The following FIBP variants were observed in gnomAD, a reference collection of about 807,000 sequenced individuals.
FIBP encodes acidic fibroblast growth factor intracellular-binding protein.
Under a neutral mutation model 40.5 loss-of-function variants are expected in FIBP, and 29 were observed. The ratio of observed to expected loss-of-function variants is 0.72; its 90% CI spans 0.53 to 0.98. FIBP has a LOEUF of 0.98. Among genes scored for constraint, FIBP ranks in the 50% least tolerant of loss-of-function variants. The pLI, the probability that FIBP is intolerant of heterozygous loss-of-function variation, is 0.00. For synonymous variants in FIBP, 215 were observed against 191.1 expected, an observed-to-expected ratio of 1.13 and a Z score of -1.03; for missense variants, 411 against 470.2, an observed-to-expected ratio of 0.87 and a Z score of 1.16.
Position 65,888,407 on chromosome 11 carries a change from C to A in FIBP, c.12G>T (p.Glu4Asp), listed in dbSNP as rs866636752. The stretch of plus-strand genomic sequence containing the variant: ...TCGTGTTCCCCACGAAGATGTCCAG[C>A]TCACTGGTCATGGCGACGCCCGGGG... MTS[E>D]LDIFVGNTTL... The change falls in exon 1 of 10, where the codon GAG becomes GAT. Residue 4 changes from glutamate (E) to aspartate (D), a missense_variant. By Grantham distance (45) the Glu-to-Asp change is conservative. Coordinates refer to ENST00000357519, the MANE Select transcript of FIBP (RefSeq NM_004214.5). The A allele has an allele frequency of 6.4e-7, 1 of 1,566,598 alleles. No homozygotes were observed. Among genetic ancestry groups the A allele is most frequent in the Non-Finnish European group, 8.7e-7 (1 of 1,155,270 alleles).
Position 65,883,900 on chromosome 11 carries a change from TC to T in FIBP, c.*73del. The T allele has an allele frequency of 7.4e-7, 1 of 1,358,116 alleles. No homozygotes were observed. Among genetic ancestry groups the T allele is most frequent in the Non-Finnish European group, 1.0e-6 (1 of 963,338 alleles). The allele number at this position is 1,358,116 out of a possible 1,614,324, so 84.1% of individuals were successfully genotyped here. ...GCACATCTGCACGCCCCCCACTTGC[TC>T]CCCGGAGCGAGGACCAGTCTCCAAA... On this transcript the variant is annotated 3_prime_UTR_variant, in exon 10 of 10. Coordinates refer to ENST00000357519, the MANE Select transcript of FIBP (RefSeq NM_004214.5).
Position 65,884,781 on chromosome 11 carries a change from C to T in FIBP, c.820-125G>A, listed in dbSNP as rs1860187029. 18 of 1,311,170 alleles carry T rather than the reference C, an allele frequency of 1.4e-5. No individual in the cohort carries two copies. In the East Asian group the frequency reaches 4.0e-4, roughly 29 times the overall value. The allele number at this position is 1,311,170 out of a possible 1,614,324, so 81.2% of individuals were successfully genotyped here. A position where few individuals can be genotyped will look rare whatever the true frequency, so the allele number is the denominator to read the frequency against. On this transcript the variant is annotated intron_variant, in intron 7 of 9. Transcript: ENST00000357519. ...TCCACCTCCCTCCATCAACCAAGTC[C>T]CCATTGTTTATGAGCTGCTCCCGTC...
Position 65,888,373 on chromosome 11 carries a change from C to A in FIBP, c.46G>T (p.Asp16Tyr). 6.4e-7 allele frequency: 1 copy of A among 1,564,132 alleles called. No individual in the cohort carries two copies. Among genetic ancestry groups the A allele is most frequent in the Non-Finnish European group, 8.7e-7 (1 of 1,153,778 alleles). Residue 16 changes from aspartate (D) to tyrosine (Y), a missense_variant, in exon 1 of 10, where the codon GAC (aspartate) becomes TAC (tyrosine). Physicochemically the swap from Asp to Tyr is radical, Grantham distance 160. Transcript: ENST00000357519. The part of the protein sequence containing the change: ...DIFVGNTTLI[D>Y]EDVYRLWLDG... Reference sequence around the variant, plus strand: ...AGCCAGAGGCGATACACGTCCTCGTCGATAAGGGTCGTGTTCCCCACGAAG... The same window carrying A: ...AGCCAGAGGCGATACACGTCCTCGTAGATAAGGGTCGTGTTCCCCACGAAG...
At chr11:65,885,746 T>C (rs1860218826) in intron 4 of FIBP, 83 bp from the exon 5 acceptor site, 2 of 1,394,614 alleles carry the variant, frequency 1.4e-6, no homozygotes, top group African/African-American at 2.9e-5. Context: ...CAGCTGGGTG[T>C]CCGAGTTCTG....
intron 5 of FIBP, 156 bp from the exon 6 acceptor site, chr11:65,885,342 C>T: frequency 6.7e-6 from 6 of 902,110 alleles, no homozygotes; most frequent in Non-Finnish European, 1.1e-5. Flanking sequence ...CACAGAGAGG[C>T]AATGGGCCCT....
At position 65,884,442 on chromosome 11, in the gene FIBP, C is replaced by A; in HGVS notation, c.954G>T (p.Arg318=). 1 of 1,614,166 alleles carries A rather than the reference C, an allele frequency of 6.2e-7. No homozygotes were observed. Among genetic ancestry groups the A allele is most frequent in the Non-Finnish European group, 8.5e-7 (1 of 1,180,022 alleles). The part of the protein sequence containing the change: ...RSDHWPLSDV[R]FFLNQYSASV... ...ACGCTGAATACTGATTCAGGAAGAA[C>A]CGCACGTCGCTGAGTGGCCAGTGGT... Residue 318 remains arginine (R), a synonymous_variant, in exon 9 of 10, where the codon CGG becomes CGT. Transcript: ENST00000357519.
At chr11:65,886,161 C>T (rs3867128) in intron 4 of FIBP, 161 bp downstream of exon 4, 75,040 of 522,594 alleles carry the variant, frequency 0.14, 7,273 homozygotes, top group Admixed American at 0.32. Context: ...AGTGAAACTC[C>T]GTCTCATTAA....
rs145313106 is a variant in FIBP at position 65,887,969 on chromosome 11, C to G, written c.249G>C (p.Gln83His). 2 of 1,613,792 alleles carry G rather than the reference C, an allele frequency of 1.2e-6. No individual in the cohort carries two copies. The highest frequency in any genetic ancestry group is 1.7e-6 in the Non-Finnish European group (2 of 1,179,956). The change falls in exon 2 of 10, where the codon CAG (glutamine) becomes CAC (histidine). Residue 83 changes from glutamine to histidine, a missense_variant. Coordinates refer to ENST00000357519, the MANE Select transcript of FIBP (RefSeq NM_004214.5). ...GTAGTGCCTGCCGGGAGGGCGGAATCTGGAAGATGAGCTGGTGCAGTAGCT... is the reference window on the plus strand; with the variant it reads ...GTAGTGCCTGCCGGGAGGGCGGAATGTGGAAGATGAGCTGGTGCAGTAGCT... The part of the protein sequence containing the change: ...PPKLLHQLIF[Q>H]IPPSRQALLI...
In FIBP at chr11:65,888,004, C is replaced by T; in HGVS notation, c.214G>A (p.Ala72Thr). The T allele has an allele frequency of 1.9e-6, 3 of 1,613,258 alleles. No individual in the cohort carries two copies. The highest frequency in any genetic ancestry group is 2.5e-6 in the Non-Finnish European group (3 of 1,179,832). The change falls in exon 2 of 10, where the codon GCG (alanine) becomes ACG (threonine). Residue 72 changes from alanine to threonine, a missense_variant. Transcript: ENST00000357519. ...TFHMLERLLH[A>T]PPKLLHQLIF... ...AGCTGGTGCAGTAGCTTGGGCGGCG[C>T]ATGCAGCAGCCGCTCGAGCATGTGG... is the stretch of plus-strand genomic sequence containing the variant.
rs1261365611 is a variant in FIBP, at chr11:65,884,624, G to C, written c.852C>G (p.Ala284=). Residue 284 remains alanine (A), a synonymous_variant, in exon 8 of 10, where the codon GCC becomes GCG. Transcript: ENST00000357519. ...TGACATCTTTATTGTGGGTCAGCTTGGCGGCCACGTTCACCAGCCCCCGGG... is the reference window on the plus strand; with the variant it reads ...TGACATCTTTATTGTGGGTCAGCTTCGCGGCCACGTTCACCAGCCCCCGGG... ...NLSRGLVNVA[A]KLTHNKDVRD... 3.1e-5 allele frequency: 50 copies of C among 1,614,044 alleles called. No homozygotes were observed. Among genetic ancestry groups the C allele is most frequent in the Non-Finnish European group, 4.1e-5 (48 of 1,180,032 alleles).
At chr11:65,884,908 G>A (rs1306534654) in intron 7 of FIBP, 27 bp downstream of exon 7, 3 of 1,613,264 alleles carry the variant, frequency 1.9e-6, no homozygotes, top group Non-Finnish European at 2.5e-6. Context: ...AGATGCCAAG[G>A]GTCAGAGGCT....
At chr11:65,884,091 T>C (rs1390797909) in intron 9 of FIBP, 48 bp from the exon 10 acceptor site, 30 of 1,455,400 alleles carry the variant, frequency 2.1e-5, no homozygotes, top group Non-Finnish European at 2.9e-5. Context: ...ACACTCACCG[T>C]GATGGAGGCC....
chr11:65,888,439 C>A lies in FIBP; in HGVS notation c.-21G>T. 6.5e-7 allele frequency: 1 copy of A among 1,548,896 alleles called. No individual in the cohort carries two copies. The highest frequency in any genetic ancestry group is 8.7e-7 in the Non-Finnish European group (1 of 1,144,250). ...GTCATGGCGACGCCCGGGGCCGCAG[C>A]GCCCCGAGCAGGAGCGAGCACTGCT... is the stretch of plus-strand genomic sequence containing the variant. On this transcript the variant is annotated 5_prime_UTR_variant, in exon 1 of 10. Transcript: ENST00000357519.
chr11:65,887,075 A>G (rs1860255591), intron 3 of FIBP: 1 of 226,950 alleles, frequency 4.4e-6, no homozygotes. Context: ...GAGCCAATGA[A>G]AGTTTATCAG....
chr11:65,885,868 G>A, intron 4 of FIBP: 1 of 569,428 alleles, frequency 1.8e-6, no homozygotes, highest in Non-Finnish European at 3.1e-6. Context: ...TGGATACAGT[G>A]GGAGACCATA....
At chr11:65,887,830 C>T in intron 2 of FIBP, 104 bp from the exon 3 acceptor site, 1 of 1,593,850 alleles carries the variant, frequency 6.3e-7, no homozygotes, top group Admixed American at 1.7e-5. Context: ...TCTCAACTTT[C>T]TGATGGCTGG....
intron 5 of FIBP, 129 bp downstream of exon 5, chr11:65,885,401 G>A: frequency 8.6e-7 from 1 of 1,163,906 alleles, no homozygotes; most frequent in Non-Finnish European, 1.2e-6. Flanking sequence ...TGGGCAGGGG[G>A]AGCCTGGGTG....
rs1860195778 is a variant in FIBP at position 65,884,986 on chromosome 11, A to C, written c.768T>G (p.Thr256=). The C allele has an allele frequency of 6.2e-7, 1 of 1,614,048 alleles. No homozygotes were observed. Among genetic ancestry groups the C allele is most frequent in the African/African-American group, 1.3e-5 (1 of 74,920 alleles). Residue 256 remains threonine, a synonymous_variant, in exon 7 of 10, where the codon ACT becomes ACG. Transcript: ENST00000357519. ...AGACGCCCAGCTTTCCCCGGAGAGC[A>C]GTGCACACCAGGCTGCAGAGAGACA... ...LLDLHKSLVC[T]ALRGKLGVFS... is the part of the protein sequence containing the mutation.
intron 2 of FIBP, 78 bp downstream of exon 2, chr11:65,887,856 C>G (rs754148500): frequency 6.3e-6 from 10 of 1,589,332 alleles, no homozygotes; most frequent in Admixed American, 1.7e-5. Context: ...TCCCATCCCT[C>G]CCTGGGCCTG....
Sources: allele counts gnomAD v4.1 joint callset, GRCh38; gene constraint gnomAD v4.1.1; transcripts MANE v1.5; gene names NCBI Gene and HGNC (gene_info 2026-07-23, HGNC 2026-07-21).